SAMD3: variants seen among roughly 807,000 people sequenced by gnomAD.
SAMD3 encodes the protein sterile alpha motif domain containing 3.
Under a neutral mutation model 58.5 loss-of-function variants are expected in SAMD3, and 63 were observed. That is an observed-to-expected ratio of 1.08 (90% CI 0.88 to 1.33). SAMD3 has a LOEUF of 1.33. Among genes scored for constraint, SAMD3 ranks in the 40% most tolerant of loss-of-function variants. The pLI, the probability that SAMD3 is intolerant of heterozygous loss-of-function variation, is 0.00. For missense variants in SAMD3, 604 were observed against 608.4 expected (o/e 0.99, Z 0.08); for synonymous variants, 220 against 210.3 (o/e 1.05, Z -0.40).
intron 1 of SAMD3, among the ~76,000 whole-genome samples, chr6:130,219,329 AT>A (rs35802545): frequency 0.3 from 45,270 of 151,470 alleles, 7,315 homozygotes; most frequent in East Asian, 0.55. Flanking sequence ...ACAGGGATTT[AT>A]TTTTTTTTAA....
At position 130,313,932 on chromosome 6, in the gene SAMD3, C is replaced by T. The variant is rs118090689; in HGVS notation, c.-303-839G>A. Among the ~76,000 whole-genome samples the T allele has an allele frequency of 6.2e-4, 94 of 152,340 alleles. 1 individual carries two copies. In the East Asian group the frequency reaches 0.017, roughly 27 times the overall value. On this transcript the variant is annotated intron_variant, in intron 1 of 13. Transcript: ENST00000368134. ...TTTCTTGACTCTAAAGTTTTGTTGA[C>T]ATCTCTCATCTGCTGTTATCTGCTC...
chr6:130,348,358 G>A (rs1482489521), intron 1 of SAMD3, among the ~76,000 whole-genome samples: 1 of 152,080 alleles, frequency 6.6e-6, no homozygotes, highest in East Asian at 1.9e-4. Context: ...ACACACATAG[G>A]CTCAAAATAA....
chr6:130,163,041 T>C (rs993253751), intron 8 of SAMD3, among the ~76,000 whole-genome samples: 1 of 152,218 alleles, frequency 6.6e-6, no homozygotes, highest in Non-Finnish European at 1.5e-5. Context: ...GCCTCCCAAG[T>C]AGCTGGGACT....
At position 130,175,901 on chromosome 6, in the gene SAMD3, G is replaced by T. The variant is rs763819476; in HGVS notation, c.762C>A (p.Gly254=). 1 of 1,612,700 alleles carries T rather than the reference G, an allele frequency of 6.2e-7. No homozygotes were observed. Among genetic ancestry groups the T allele is most frequent in the South Asian group, 1.1e-5 (1 of 91,036 alleles). Residue 254 remains glycine, a synonymous_variant, in exon 8 of 12, where the codon GGC becomes GGA. Transcript: ENST00000439090. ...TATCAGCAAGAGATTTCCTTGTCTG[G>T]CCTCTTCGGTGTCCAAATTTACACT... ...RNKCKFGHRR[G]QTRKSLADIR...
intron 2 of SAMD3, among the ~76,000 whole-genome samples, chr6:130,243,844 T>C (rs1266036375): frequency 6.6e-6 from 1 of 152,176 alleles, no homozygotes; most frequent in Non-Finnish European, 1.5e-5. Context: ...AAACACATTA[T>C]GTAATAAAAA....
Position 130,146,157 on chromosome 6 carries a change from T to C in SAMD3, c.1048A>G (p.Thr350Ala). ...YQMFREFQLL[T>A]RTDIYKKTRH... is the part of the protein sequence containing the mutation. Reference sequence around the variant, plus strand: ...GTTTTCTTATAAATATCTGTTCTTGTAAGAAGTTGGAATTCTCTGAACATC... The same window carrying C: ...GTTTTCTTATAAATATCTGTTCTTGCAAGAAGTTGGAATTCTCTGAACATC... Residue 350 changes from threonine (T) to alanine (A), a missense_variant, in exon 10 of 12, where the codon ACA becomes GCA. Transcript: ENST00000439090. 6.3e-7 allele frequency: 1 copy of C among 1,588,802 alleles called. No individual in the cohort carries two copies. Among genetic ancestry groups the C allele is most frequent in the Non-Finnish European group, 8.6e-7 (1 of 1,169,418 alleles).
chr6:130,346,458 G>C (rs182462270), intron 1 of SAMD3, among the ~76,000 whole-genome samples: 1 of 152,066 alleles, frequency 6.6e-6, no homozygotes, highest in African/African-American at 2.4e-5. Context: ...CTATGCCCAC[G>C]GAGCCTCGCT....
chr6:130,279,060 C>A (rs923062273), intron 2 of SAMD3, among the ~76,000 whole-genome samples: 2 of 152,110 alleles, frequency 1.3e-5, no homozygotes, highest in Non-Finnish European at 2.9e-5. Flanking sequence ...ATGACCTTGG[C>A]AAGTTATTTC....
intron 2 of SAMD3, among the ~76,000 whole-genome samples, chr6:130,239,967 G>T (rs1389891333): frequency 3.3e-5 from 5 of 152,166 alleles, no homozygotes; most frequent in Admixed American, 1.3e-4. Context: ...TTCTCACATT[G>T]CTGGGCAGCC....
At chr6:130,216,762 G>A (rs539553047) in intron 1 of SAMD3, 146 bp from the exon 2 acceptor site, 1 of 152,144 alleles carries the variant, frequency 6.6e-6, no homozygotes, top group East Asian at 1.9e-4. Context: ...ATGACAAACA[G>A]TAGCCACAGA....
At chr6:130,213,160 T>C (rs904523897) in intron 4 of SAMD3, among the ~76,000 whole-genome samples, 1 of 151,916 alleles carries the variant, frequency 6.6e-6, no homozygotes, top group Admixed American at 6.6e-5. Context: ...TAGCCAGTCA[T>C]GGTGTTGAGT....
chr6:130,174,769 A>G (rs1164531857), intron 8 of SAMD3, among the ~76,000 whole-genome samples: 1 of 152,244 alleles, frequency 6.6e-6, no homozygotes, highest in African/African-American at 2.4e-5. Flanking sequence ...TTTTTGTCAA[A>G]GAACAGTTTT....
At chr6:130,298,733 A>G (rs969044120) in intron 2 of SAMD3, among the ~76,000 whole-genome samples, 28 of 152,146 alleles carry the variant, frequency 1.8e-4, no homozygotes, top group African/African-American at 6.0e-4. Flanking sequence ...CCTTCAAGAG[A>G]CCTATCTTAT....
chr6:130,342,319 T>C (rs965465316), intron 1 of SAMD3, among the ~76,000 whole-genome samples: 1 of 152,240 alleles, frequency 6.6e-6, no homozygotes, highest in Non-Finnish European at 1.5e-5. Flanking sequence ...CATAATGAGC[T>C]GTTTTTTGCT....
chr6:130,322,706 G>C (rs563729601), intron 1 of SAMD3, among the ~76,000 whole-genome samples: 2 of 152,328 alleles, frequency 1.3e-5, no homozygotes, highest in South Asian at 4.1e-4. Flanking sequence ...TTATGAGCAA[G>C]GTGGAAACCT....
At chr6:130,180,949 C>CTT (rs1311210793) in intron 7 of SAMD3, among the ~76,000 whole-genome samples, 1 of 28,388 alleles carries the variant, frequency 3.5e-5, no homozygotes, top group East Asian at 2.5e-3. Context: ...CTTTTTCTTT[C>CTT]TTTCTTTTTT....
At chr6:130,258,996 G>T (rs1037162168) in intron 2 of SAMD3, among the ~76,000 whole-genome samples, 5 of 152,112 alleles carry the variant, frequency 3.3e-5, no homozygotes, top group African/African-American at 4.8e-5. Context: ...GGAAACAAAG[G>T]AAAGATATGA....
At chr6:130,297,686 A>T (rs1775615565) in intron 2 of SAMD3, among the ~76,000 whole-genome samples, 1 of 152,204 alleles carries the variant, frequency 6.6e-6, no homozygotes, top group South Asian at 2.1e-4. Flanking sequence ...ATTAAGAAAA[A>T]ACCAAATAGA....
chr6:130,270,904 A>T (rs761744875), intron 2 of SAMD3, among the ~76,000 whole-genome samples: 4 of 152,364 alleles, frequency 2.6e-5, no homozygotes, highest in Non-Finnish European at 5.9e-5. Flanking sequence ...CTTAAAAGTG[A>T]AATTCCTAGT....
Sources: gnomAD v4.1 joint callset for allele counts (sites outside exome capture counted in the v4.1 genomes callset) on GRCh38, gnomAD v4.1.1 for gene constraint, MANE v1.5 for transcripts, NCBI Gene and HGNC (gene_info 2026-07-23, HGNC 2026-07-21) for gene names.